Variants in GFM2 observed in about 807,000 individuals in gnomAD.
GFM2 encodes the protein ribosome-releasing factor 2, mitochondrial.
GFM2 carries 72 observed loss-of-function variants against 95.4 expected under a neutral mutation model. That is an observed-to-expected ratio of 0.76 (90% confidence interval 0.62 to 0.92). GFM2 has a LOEUF of 0.92. Among genes scored for constraint, GFM2 ranks in the 40% least tolerant of loss-of-function variants. The probability of loss-of-function intolerance (pLI) is 0.00; values close to 1 mark genes in which losing one functional copy is unlikely to be tolerated. For missense variants in GFM2, 825 were observed against 924.1 expected, an observed-to-expected ratio of 0.89 and a Z score of 1.39; for synonymous variants, 276 against 317.5, an observed-to-expected ratio of 0.87 and a Z score of 1.39.
chr5:74,748,889 A>T (rs866550228), intron 7 of GFM2, among the ~76,000 whole-genome samples: 2 of 102,550 alleles, frequency 2.0e-5, no homozygotes, highest in African/African-American at 5.0e-5. Flanking sequence ...ATAAAATAAA[A>T]TAAATAAAAT....
At chr5:74,745,065 G>A (rs6862630) in intron 10 of GFM2, among the ~76,000 whole-genome samples, 78 of 152,246 alleles carry the variant, frequency 5.1e-4, no homozygotes, top group African/African-American at 1.8e-3. Flanking sequence ...GAGGCCCGGC[G>A]CAGTGGCTCA....
At chr5:74,762,148 CA>C (rs921889747) in intron 2 of GFM2, among the ~76,000 whole-genome samples, 43 of 150,560 alleles carry the variant, frequency 2.9e-4, no homozygotes, top group African/African-American at 1.0e-3. Context: ...TTTAAAGTAG[CA>C]AAAAAAAATT....
At chr5:74,726,582 T>A (rs948875474) in intron 17 of GFM2, among the ~76,000 whole-genome samples, 1 of 152,194 alleles carries the variant, frequency 6.6e-6, no homozygotes, top group African/African-American at 2.4e-5. Flanking sequence ...TCCAGCAATA[T>A]TTTATGCACT....
At position 74,750,654 on chromosome 5, in the gene GFM2, A is replaced by G. The variant is rs1252134029; in HGVS notation, c.444T>C (p.Phe148=). 6 of 1,612,596 alleles carry G rather than the reference A, an allele frequency of 3.7e-6. No homozygotes were observed. Among genetic ancestry groups the G allele is most frequent in the Non-Finnish European group, 4.2e-6 (5 of 1,179,000 alleles). ...TTAGGCACCGCTCAACCTCCAAGGTAAAGTCCACATGACCTAAGAAAAAGA... is the reference window on the plus strand; with the variant it reads ...TTAGGCACCGCTCAACCTCCAAGGTGAAGTCCACATGACCTAAGAAAAAGA... ...NLIDTPGHVD[F]TLEVERCLRV... is the part of the protein sequence containing the mutation. Residue 148 remains phenylalanine, a synonymous_variant, in exon 7 of 21, where the codon TTT becomes TTC. Coordinates refer to ENST00000296805, the MANE Select transcript of GFM2 (RefSeq NM_032380.5).
At position 74,736,873 on chromosome 5, in the gene GFM2, A is replaced by C. The variant is rs1482228363; in HGVS notation, c.1433T>G (p.Leu478Arg). The C allele has an allele frequency of 6.2e-7, 1 of 1,613,800 alleles. No individual in the cohort carries two copies. Among genetic ancestry groups the C allele is most frequent in the Non-Finnish European group, 8.5e-7 (1 of 1,179,862 alleles). Residue 478 changes from leucine (L) to arginine (R), a missense_variant, in exon 15 of 21, where the codon CTT (leucine) becomes CGT (arginine). Leu to Arg is a moderately radical substitution (Grantham distance 102, BLOSUM62 -2). Transcript: ENST00000296805. ...TGGAATCTCCACTCCAGCCAATAAA[A>C]GTCTCTCTGCTTCATTGTTTTGTCT... is the stretch of plus-strand genomic sequence containing the variant. ...KHRQNNEAER[L>R]LLAGVEIPEP...
At chr5:74,728,770 T>TTTTTTTTTTGAGA (rs756604027) in intron 17 of GFM2, among the ~76,000 whole-genome samples, 4 of 113,792 alleles carry the variant, frequency 3.5e-5, no homozygotes, top group African/African-American at 1.2e-4. Flanking sequence ...TTTTTTTTTT[T>TTTTTTTTTTGAGA]TTTTGAGATG....
intron 20 of GFM2, 98 bp downstream of exon 20, chr5:74,722,281 C>G: frequency 1.0e-6 from 1 of 966,918 alleles, no homozygotes; most frequent in Non-Finnish European, 1.6e-6. Context: ...TAAATCAAAG[C>G]CTTAATGTTT....
chr5:74,737,304 G>C (rs531146713), intron 14 of GFM2, among the ~76,000 whole-genome samples: 5 of 152,266 alleles, frequency 3.3e-5, no homozygotes, highest in Admixed American at 3.3e-4. Flanking sequence ...TTAGGGAGAA[G>C]TCCATTAGAG....
chr5:74,737,212 A>G (rs1023627641), intron 14 of GFM2, among the ~76,000 whole-genome samples: 1 of 152,228 alleles, frequency 6.6e-6, no homozygotes, highest in Non-Finnish European at 1.5e-5. Context: ...CTAACAAACA[A>G]TAAAACACAC....
At chr5:74,751,261 T>C (rs997247627) in intron 6 of GFM2, 107 bp downstream of exon 6, 31 of 1,070,548 alleles carry the variant, frequency 2.9e-5, no homozygotes, top group Non-Finnish European at 3.8e-5. Context: ...TGGTAAATTT[T>C]GCAACACATG....
intron 15 of GFM2, among the ~76,000 whole-genome samples, chr5:74,734,083 A>C (rs1270289371): frequency 6.6e-6 from 1 of 152,146 alleles, no homozygotes; most frequent in Non-Finnish European, 1.5e-5. Context: ...CATTCAAAGT[A>C]TCTTAGGTAT....
chr5:74,757,728 C>A (rs1459922644), intron 5 of GFM2, among the ~76,000 whole-genome samples: 1 of 55,956 alleles, frequency 1.8e-5, no homozygotes, highest in Non-Finnish European at 2.8e-5. Flanking sequence ...GAGCCTATGT[C>A]TCTAAAAAAA....
chr5:74,742,033 T>C (rs1191511277), intron 10 of GFM2, among the ~76,000 whole-genome samples: 1 of 152,154 alleles, frequency 6.6e-6, no homozygotes, highest in African/African-American at 2.4e-5. Flanking sequence ...CCCAAGACAG[T>C]CAAACTAAGA....
At chr5:74,763,594 A>G (rs1393992400) in intron 2 of GFM2, 86 bp downstream of exon 2, 1 of 697,550 alleles carries the variant, frequency 1.4e-6, no homozygotes, top group Non-Finnish European at 2.5e-6. Context: ...ATTTGGAATC[A>G]ACAGCTGATG....
At chr5:74,727,224 T>C (rs1238135075) in intron 17 of GFM2, among the ~76,000 whole-genome samples, 1 of 152,146 alleles carries the variant, frequency 6.6e-6, no homozygotes, top group Admixed American at 6.5e-5. Context: ...TACATATTTA[T>C]GTACAAGCTA....
In GFM2 at chr5:74,738,507, G is replaced by A. The variant is rs765235690; in HGVS notation, c.1215C>T (p.Asn405=). The change falls in exon 13 of 21, where the codon AAC becomes AAT. Residue 405 remains asparagine (N), a synonymous_variant. Coordinates refer to ENST00000296805, the MANE Select transcript of GFM2 (RefSeq NM_032380.5). The part of the protein sequence containing the change: ...PQLAIHNING[N]CTERISRLLL... ...TAATCTAAGCTTCTACTTACGTGCAGTTTCCATTAATATTATGAATGGCCA... is the reference window on the plus strand; with the variant it reads ...TAATCTAAGCTTCTACTTACGTGCAATTTCCATTAATATTATGAATGGCCA... The A allele has an allele frequency of 6.1e-5, 98 of 1,612,486 alleles. No homozygotes were observed. In the East Asian group the frequency reaches 2.2e-3, roughly 36 times the overall value.
chr5:74,745,690 G>A lies in GFM2; in HGVS notation c.837C>T (p.Ala279=), dbSNP rs200897090. 24 of 1,610,908 alleles carry A rather than the reference G, an allele frequency of 1.5e-5. No individual in the cohort carries two copies. The Middle Eastern group carries it at 5.0e-4, about 33-fold the overall frequency. ...LLKETTEARN[A]LIEQVADLDD... is the part of the protein sequence containing the mutation. ...CATTATACTTTACTTGTTCAATTAA[G>A]GCATTCCTTGCTTCAGTTGTTTCCT... The change falls in exon 10 of 21, where the codon GCC becomes GCT. Residue 279 remains alanine, a synonymous_variant. Coordinates refer to ENST00000296805, the MANE Select transcript of GFM2 (RefSeq NM_032380.5).
rs946435341 is a variant in GFM2 at position 74,749,096 on chromosome 5, A to G, written c.520-1316T>C. ...GCAATCAAGGCTCACTGCAGCCCCA[A>G]CCTCCCTGCTGGGCTCAAGCAATTC... On this transcript the variant is annotated intron_variant, in intron 7 of 20. Transcript: ENST00000296805. Among the ~76,000 whole-genome samples the G allele has an allele frequency of 2.6e-5, 4 of 151,700 alleles. No homozygotes were observed. In the South Asian group the frequency reaches 6.3e-4, roughly 24 times the overall value.
intron 7 of GFM2, among the ~76,000 whole-genome samples, chr5:74,748,899 TA>T (rs1743534361): frequency 1.0e-5 from 1 of 97,604 alleles, no homozygotes; most frequent in Non-Finnish European, 2.2e-5. Flanking sequence ...ATAAATAAAA[TA>T]AAATAAAATA....
Sources: allele counts gnomAD v4.1 joint callset (sites outside exome capture counted in the v4.1 genomes callset), GRCh38; gene constraint gnomAD v4.1.1; transcripts MANE v1.5; gene names NCBI Gene and HGNC (gene_info 2026-07-23, HGNC 2026-07-21).